LRP3: variants seen among roughly 807,000 people sequenced by gnomAD.
LRP3 encodes low-density lipoprotein receptor-related protein 3.
A neutral mutation model predicts 58.5 loss-of-function variants in LRP3; 49 were observed. The ratio of observed to expected loss-of-function variants is 0.84; its 90% CI spans 0.67 to 1.06. The LOEUF is 1.06. Ranked by LOEUF, LRP3 falls within the 50% of genes least tolerant of loss-of-function variation. The pLI is 0.00. For missense variants in LRP3, 1,019 were observed against 1,134.2 expected (o/e 0.90, Z 1.46); for synonymous variants, 485 against 492.2 (o/e 0.99, Z 0.20).
chr19:33,204,481 G>A, intron 3 of LRP3, 157 bp from the exon 4 acceptor site: 2 of 651,002 alleles, frequency 3.1e-6, no homozygotes, highest in Non-Finnish European at 5.5e-6. Context: ...TGGGAGTGGA[G>A]GAACCAGGCA....
Position 33,206,581 on chromosome 19 carries a change from C to A in LRP3, c.1593-20C>A, listed in dbSNP as rs768627948. 1 of 1,604,320 alleles carries A rather than the reference C, an allele frequency of 6.2e-7. No homozygotes were observed. Among genetic ancestry groups the A allele is most frequent in the East Asian group, 2.2e-5 (1 of 44,690 alleles). On this transcript the variant is annotated intron_variant, in intron 5 of 6. Coordinates refer to ENST00000253193, the MANE Select transcript of LRP3 (RefSeq NM_002333.4). ...GTCCCGGGCAGCCCAGTCATGTCGCCCTCCGCCCACTGCTTCTAGGGCCTT... is the reference window on the plus strand; with the variant it reads ...GTCCCGGGCAGCCCAGTCATGTCGCACTCCGCCCACTGCTTCTAGGGCCTT...
At chr19:33,205,157 C>T in intron 4 of LRP3, 89 bp from the exon 5 acceptor site, 1 of 1,412,976 alleles carries the variant, frequency 7.1e-7, no homozygotes, top group Non-Finnish European at 9.7e-7. Flanking sequence ...TGATGGGGAA[C>T]CACCTGCCCG....
intron 1 of LRP3, 139 bp from the exon 2 acceptor site, chr19:33,196,591 C>A: frequency 1.4e-6 from 1 of 728,476 alleles, no homozygotes; most frequent in Non-Finnish European, 2.4e-6. Flanking sequence ...CAGTCTTGGG[C>A]TGCGCTCTGG....
In LRP3 at chr19:33,205,857, C is replaced by G; in HGVS notation, c.1087C>G (p.Gln363Glu). ...SAGHGFNATY[Q>E]VKGYCLPWEQ... Reference sequence around the variant, plus strand: ...CGGCCACGGCTTCAATGCCACCTACCAGGTGAAGGGCTATTGCCTCCCCTG... The same window carrying G: ...CGGCCACGGCTTCAATGCCACCTACGAGGTGAAGGGCTATTGCCTCCCCTG... Residue 363 changes from glutamine to glutamate, a missense_variant, in exon 5 of 7, where the codon CAG becomes GAG. Around this residue, in one of 2 missense-constraint regions of LRP3, gnomAD observed 592 missense variants for 725.5 expected, o/e 0.82. Coordinates refer to ENST00000253193, the MANE Select transcript of LRP3 (RefSeq NM_002333.4). 2 of 1,599,798 alleles carry G rather than the reference C, an allele frequency of 1.3e-6. No homozygotes were observed. The highest frequency in any genetic ancestry group is 4.5e-5 in the East Asian group (2 of 44,528).
chr19:33,207,339 T>A lies in LRP3; in HGVS notation c.2077T>A (p.Cys693Ser), dbSNP rs762080617. 3 of 1,584,014 alleles carry A rather than the reference T, an allele frequency of 1.9e-6. No individual in the cohort carries two copies. The highest frequency in any genetic ancestry group is 2.6e-6 in the Non-Finnish European group (3 of 1,172,016). ...PLPSGLRDPECRPVDKDRKVC... is the reference protein window; with the variant it reads ...PLPSGLRDPESRPVDKDRKVC... ...GCCCTCGGGCCTGCGAGACCCAGAG[T>A]GCAGGCCCGTGGACAAGGACAGAAA... is the stretch of plus-strand genomic sequence containing the variant. Residue 693 changes from cysteine to serine, a missense_variant, in exon 7 of 7, where the codon TGC (cysteine) becomes AGC (serine). Physicochemically the swap from Cys to Ser is moderately radical, Grantham distance 112 (BLOSUM62 -1). Transcript: ENST00000253193.
chr19:33,206,948 C>T (rs753492612), intron 6 of LRP3, 40 bp from the exon 7 acceptor site: 1 of 1,389,666 alleles, frequency 7.2e-7, no homozygotes, highest in South Asian at 1.5e-5. Flanking sequence ...TCTGCCCCCT[C>T]AGCCGCATCC....
chr19:33,202,721 C>G (rs1196222315), intron 2 of LRP3, 127 bp from the exon 3 acceptor site: 3 of 1,138,130 alleles, frequency 2.6e-6, no homozygotes, highest in Non-Finnish European at 3.7e-6. Context: ...TGCCCTTGGC[C>G]ATGGCCACCC....
chr19:33,207,020 G>A lies in LRP3; in HGVS notation c.1758G>A (p.Met586Ile). 6.7e-7 allele frequency: 1 copy of A among 1,495,122 alleles called. No individual in the cohort carries two copies. Among genetic ancestry groups the A allele is most frequent in the Non-Finnish European group, 8.9e-7 (1 of 1,128,144 alleles). The allele number at this position is 1,495,122 out of a possible 1,614,324, so 92.6% of individuals were successfully genotyped here. ...TGCTGCAGAATCTTCGCACAGCCATGCGGAGACAGATGCGTCGGCACGCCT... is the reference window on the plus strand; with the variant it reads ...TGCTGCAGAATCTTCGCACAGCCATACGGAGACAGATGCGTCGGCACGCCT... ...ASVLQNLRTA[M>I]RRQMRRHASR... Residue 586 changes from methionine to isoleucine, a missense_variant, in exon 7 of 7, where the codon ATG (methionine) becomes ATA (isoleucine). Transcript: ENST00000253193.
intron 3 of LRP3, 108 bp from the exon 4 acceptor site, chr19:33,204,530 G>A (rs913360863): frequency 1.3e-6 from 1 of 786,746 alleles, no homozygotes; most frequent in Non-Finnish European, 2.1e-6. Context: ...GGCCGGGACA[G>A]GGCTGGCTGT....
intron 2 of LRP3, among the ~76,000 whole-genome samples, chr19:33,202,477 G>T (rs1974350904): frequency 6.6e-6 from 1 of 152,236 alleles, no homozygotes; most frequent in Admixed American, 6.5e-5. Context: ...GGCTGGGCAG[G>T]CCTAGGGGTG....
Position 33,207,260 on chromosome 19 carries a change from G to T in LRP3, c.1998G>T (p.Arg666Ser). The change falls in exon 7 of 7, where the codon AGG (arginine) becomes AGT (serine). Residue 666 changes from arginine (R) to serine (S), a missense_variant. By Grantham distance (110) the Arg-to-Ser change is moderately radical. Coordinates refer to ENST00000253193, the MANE Select transcript of LRP3 (RefSeq NM_002333.4). ...DTGSTRAAGD[R>S]PPSAPGRAPE... Reference sequence around the variant, plus strand: ...GCAGCACCAGGGCGGCCGGAGACAGGCCCCCCAGTGCCCCCGGCCGTGCAC... The same window carrying T: ...GCAGCACCAGGGCGGCCGGAGACAGTCCCCCCAGTGCCCCCGGCCGTGCAC... 6.5e-7 allele frequency: 1 copy of T among 1,549,560 alleles called. No homozygotes were observed. The highest frequency in any genetic ancestry group is 1.2e-5 in the South Asian group (1 of 83,362).
chr19:33,203,007 C>A (rs765860506), intron 3 of LRP3, 21 bp downstream of exon 3: 2 of 1,610,084 alleles, frequency 1.2e-6, no homozygotes, highest in South Asian at 2.2e-5. Context: ...CCGGGGGTGT[C>A]GGAAGGAATC....
chr19:33,202,606 C>A (rs998459144), intron 2 of LRP3, among the ~76,000 whole-genome samples: 3 of 152,180 alleles, frequency 2.0e-5, no homozygotes, highest in Non-Finnish European at 4.4e-5. Context: ...AGGACCTAGG[C>A]TGTAGTCCAC....
intron 3 of LRP3, 97 bp from the exon 4 acceptor site, chr19:33,204,541 C>G: frequency 1.1e-6 from 1 of 878,030 alleles, no homozygotes; most frequent in Non-Finnish European, 1.8e-6. Flanking sequence ...GGCTGGCTGT[C>G]CTGGCCGTGG....
rs1182750229 is a variant in LRP3 at position 33,205,628 on chromosome 19, G to T, written c.858G>T (p.Val286=). 1 of 1,611,216 alleles carries T rather than the reference G, an allele frequency of 6.2e-7. No homozygotes were observed. The highest frequency in any genetic ancestry group is 1.3e-5 in the African/African-American group (1 of 74,908). ...CAGACCTTCACTGCACGTGGCTGGT[G>T]GACACACAGGACTCCCGGCGGGTGC... ...GPSDLHCTWL[V]DTQDSRRVLL... is the part of the protein sequence containing the mutation. Residue 286 remains valine (V), a synonymous_variant, in exon 5 of 7, where the codon GTG becomes GTT. Coordinates refer to ENST00000253193, the MANE Select transcript of LRP3 (RefSeq NM_002333.4).
intron 2 of LRP3, among the ~76,000 whole-genome samples, chr19:33,198,173 C>T (rs1285755020): frequency 2.6e-5 from 4 of 152,176 alleles, no homozygotes; most frequent in Admixed American, 6.5e-5. Flanking sequence ...GTGTGTCACC[C>T]CAAATGTGTA....
chr19:33,206,896 G>T, intron 6 of LRP3, 92 bp from the exon 7 acceptor site: 1 of 1,211,678 alleles, frequency 8.3e-7, no homozygotes. Flanking sequence ...TCGGGTCTCA[G>T]GTCCCTTGGG....
intron 2 of LRP3, among the ~76,000 whole-genome samples, chr19:33,201,410 G>A (rs1253628676): frequency 8.0e-6 from 1 of 124,828 alleles, no homozygotes; most frequent in East Asian, 2.1e-4. Flanking sequence ...GAGAGGTCCG[G>A]GGGGCTAGGG....
At chr19:33,203,844 G>C (rs1325701443) in intron 3 of LRP3, 1 of 152,400 alleles carries the variant, frequency 6.6e-6, no homozygotes, top group Non-Finnish European at 1.5e-5. Context: ...TTGGGGAGGG[G>C]AGTGAATCAG....
Sources: gnomAD v4.1 joint callset for allele counts (sites outside exome capture counted in the v4.1 genomes callset) on GRCh38, gnomAD v4.1.1 for gene constraint, gnomAD v4.1.1 regional missense constraint, MANE v1.5 for transcripts, NCBI Gene and HGNC (gene_info 2026-07-23, HGNC 2026-07-21) for gene names.